The following CRYBG3 variants were observed in gnomAD, a reference collection of about 807,000 sequenced individuals.
The protein encoded by CRYBG3 is very large A-kinase anchor protein.
CRYBG3 carries 127 observed loss-of-function variants against 244.2 expected under a neutral mutation model. The ratio of observed to expected loss-of-function variants is 0.52; its 90% confidence interval spans 0.45 to 0.60. The LOEUF (loss-of-function observed/expected upper bound fraction) is 0.60. Ranked by LOEUF, CRYBG3 falls within the 20% of genes least tolerant of loss-of-function variation. The probability of loss-of-function intolerance (pLI) is 0.00; values close to 1 mark genes in which losing one functional copy is unlikely to be tolerated. For synonymous variants in CRYBG3, 1,132 were observed against 1,195.8 expected (o/e 0.95, Z 1.10); for missense variants, 3,325 against 3,442.5 (o/e 0.97, Z 0.85).
At chr3:97,833,964 G>A (rs1448907698) in intron 1 of CRYBG3, among the ~76,000 whole-genome samples, 2 of 152,126 alleles carry the variant, frequency 1.3e-5, no homozygotes, top group Non-Finnish European at 2.9e-5. Context: ...GGGTCAGGAT[G>A]TGCCAGGTTC....
intron 1 of CRYBG3, among the ~76,000 whole-genome samples, chr3:97,825,427 C>T (rs2038565123): frequency 6.6e-6 from 1 of 152,184 alleles, no homozygotes; most frequent in Admixed American, 6.5e-5. Flanking sequence ...TGACTGTGCA[C>T]TTACTTCTGG....
Position 97,875,371 on chromosome 3 carries a change from A to G in CRYBG3, c.4177A>G (p.Ile1393Val). The G allele has an allele frequency of 1.4e-6, 2 of 1,415,676 alleles. No individual in the cohort carries two copies. The highest frequency in any genetic ancestry group is 1.8e-6 in the Non-Finnish European group (2 of 1,093,244). The allele number at this position is 1,415,676 out of a possible 1,614,324, so 87.7% of individuals were successfully genotyped here. Residue 1393 changes from isoleucine to valine, a missense_variant, in exon 4 of 22, where the codon ATT (isoleucine) becomes GTT (valine). Physicochemically the swap from Ile to Val is conservative, Grantham distance 29 (BLOSUM62 3). This residue lies in a region of CRYBG3 where 635 missense variants were observed against 771.7 expected (regional missense o/e 0.82). Coordinates refer to ENST00000389622, the MANE Select transcript of CRYBG3 (RefSeq NM_153605.4). ...TAACTTAGCTAGTGGCACAGAGTCA[A>G]TTAAGGGAGGAGAAATTGTTCTCTA... Reference protein sequence around the residue: ...LSNLASGTESIKGGEIVLYQK... With the variant: ...LSNLASGTESVKGGEIVLYQK...
chr3:97,884,040 T>G (rs920287740), intron 7 of CRYBG3, among the ~76,000 whole-genome samples: 2 of 152,202 alleles, frequency 1.3e-5, no homozygotes. Context: ...GAAATTTGTT[T>G]GTGTGAGACA....
intron 20 of CRYBG3, chr3:97,941,872 G>T (rs2040237929): frequency 6.5e-6 from 1 of 154,284 alleles, no homozygotes; most frequent in African/African-American, 2.4e-5. Context: ...TTTTTCTCAT[G>T]CTTCAAAAAT....
At chr3:97,925,833 A>T (rs1321910428) in intron 17 of CRYBG3, among the ~76,000 whole-genome samples, 1 of 151,274 alleles carries the variant, frequency 6.6e-6, no homozygotes, top group African/African-American at 2.4e-5. Flanking sequence ...TATTCTTTTT[A>T]AAATGTATCA....
At chr3:97,901,631 A>G (rs2039707748) in intron 15 of CRYBG3, among the ~76,000 whole-genome samples, 1 of 152,346 alleles carries the variant, frequency 6.6e-6, no homozygotes, top group African/African-American at 2.4e-5. Context: ...ATTTTTTCAC[A>G]TGAATCAAAA....
At chr3:97,900,292 G>A (rs534274739) in intron 14 of CRYBG3, among the ~76,000 whole-genome samples, 161 bp from the exon 15 acceptor site, 10 of 152,198 alleles carry the variant, frequency 6.6e-5, no homozygotes, top group African/African-American at 2.4e-4. Context: ...AGGGTGCAGT[G>A]AGCTGAGACT....
At chr3:97,888,286 G>C (rs2039532717) in intron 8 of CRYBG3, 55 bp from the exon 9 acceptor site, 2 of 1,083,498 alleles carry the variant, frequency 1.8e-6, no homozygotes, top group Non-Finnish European at 2.7e-6. Flanking sequence ...TTTACTTACA[G>C]AACCAGACTA....
intron 15 of CRYBG3, among the ~76,000 whole-genome samples, chr3:97,903,605 T>C (rs2039729912): frequency 6.6e-6 from 1 of 152,168 alleles, no homozygotes; most frequent in African/African-American, 2.4e-5. Flanking sequence ...ATAGAAACTA[T>C]TTTAGTATTG....
At chr3:97,908,446 A>G (rs1333446877) in intron 15 of CRYBG3, among the ~76,000 whole-genome samples, 1 of 152,124 alleles carries the variant, frequency 6.6e-6, no homozygotes, top group Non-Finnish European at 1.5e-5. Flanking sequence ...TTGGGTGCAT[A>G]TATATTTAGG....
chr3:97,905,117 A>G (rs930787727), intron 15 of CRYBG3, among the ~76,000 whole-genome samples: 1 of 152,106 alleles, frequency 6.6e-6, no homozygotes, highest in Admixed American at 6.5e-5. Flanking sequence ...TATATATGTG[A>G]CACATTTTCT....
chr3:97,872,124 T>A lies in CRYBG3; in HGVS notation c.930T>A (p.Ser310Arg). Residue 310 changes from serine to arginine, a missense_variant, in exon 4 of 22, where the codon AGT becomes AGA. By Grantham distance (110) the Ser-to-Arg change is moderately radical. Transcript: ENST00000389622. ...PLEDSDCSKT[S>R]FNKENSLTNN... Reference sequence around the variant, plus strand: ...AAGACTCTGATTGTAGCAAAACAAGTTTCAACAAGGAAAATTCTTTGACAA... The same window carrying A: ...AAGACTCTGATTGTAGCAAAACAAGATTCAACAAGGAAAATTCTTTGACAA... 6.5e-7 allele frequency: 1 copy of A among 1,535,962 alleles called. No individual in the cohort carries two copies.
intron 2 of CRYBG3, among the ~76,000 whole-genome samples, chr3:97,855,698 G>A (rs866414634): frequency 6.9e-4 from 105 of 152,228 alleles, no homozygotes; most frequent in African/African-American, 1.9e-3. Flanking sequence ...AAAGCTGGGC[G>A]TCCGGGGAAG....
intron 4 of CRYBG3, 26 bp downstream of exon 4, chr3:97,878,063 AT>A: frequency 5.8e-6 from 9 of 1,541,848 alleles, no homozygotes; most frequent in Non-Finnish European, 7.9e-6. Context: ...TATTGTATTA[AT>A]AATAGTTATT....
intron 12 of CRYBG3, among the ~76,000 whole-genome samples, chr3:97,897,035 A>T (rs1196883430): frequency 6.6e-6 from 1 of 151,852 alleles, no homozygotes; most frequent in African/African-American, 2.4e-5. Context: ...GGCTCCAGGG[A>T]CTAGGGAATT....
Position 97,842,720 on chromosome 3 carries a change from C to T in CRYBG3, c.150-475C>T, listed in dbSNP as rs544818120. ...ATACGTTTGGGGCTAGATAAACCTA[C>T]ATCTATTTTTGAGTATTCCCAGAAT... On this transcript the variant is annotated intron_variant, in intron 1 of 21. Coordinates refer to ENST00000389622, the MANE Select transcript of CRYBG3 (RefSeq NM_153605.4). 3.9e-5 allele frequency among the ~76,000 whole-genome samples: 6 copies of T among 152,192 alleles called. No homozygotes were observed. In the East Asian group the frequency reaches 1.2e-3, roughly 29 times the overall value.
At chr3:97,848,826 G>C (rs970899724) in intron 2 of CRYBG3, among the ~76,000 whole-genome samples, 3 of 152,122 alleles carry the variant, frequency 2.0e-5, no homozygotes, top group Admixed American at 1.3e-4. Context: ...AAACATAACA[G>C]TGCTCCCACC....
At chr3:97,904,248 C>G (rs1479369934) in intron 15 of CRYBG3, among the ~76,000 whole-genome samples, 1 of 152,102 alleles carries the variant, frequency 6.6e-6, no homozygotes, top group Admixed American at 6.6e-5. Flanking sequence ...ATAAGGTGAT[C>G]AAAGTGAGGC....
At chr3:97,919,254 TC>T (rs2039958898) in intron 17 of CRYBG3, among the ~76,000 whole-genome samples, 1 of 152,118 alleles carries the variant, frequency 6.6e-6, no homozygotes, top group South Asian at 2.1e-4. Context: ...CAGAATATGG[TC>T]CCCAGTTCTC....
Sources: gnomAD v4.1 joint callset for allele counts (sites outside exome capture counted in the v4.1 genomes callset) on GRCh38, gnomAD v4.1.1 for gene constraint, gnomAD v4.1.1 regional missense constraint, MANE v1.5 for transcripts, NCBI Gene and HGNC (gene_info 2026-07-23, HGNC 2026-07-21) for gene names.